Variants in RUVBL2 observed in about 807,000 individuals in gnomAD.
The protein encoded by RUVBL2 is RuvB like AAA ATPase 2.
In RUVBL2, 9 loss-of-function variants were observed where a neutral mutation model predicts 57.9. The ratio of observed to expected loss-of-function variants is 0.16; its 90% CI spans 0.09 to 0.27. RUVBL2 has a LOEUF of 0.27. RUVBL2 is among the 10% of genes least tolerant of loss of function. The pLI, the probability that RUVBL2 is intolerant of heterozygous loss-of-function variation, is 1.00. For synonymous variants in RUVBL2, 278 were observed against 264.6 expected, an observed-to-expected ratio of 1.05 and a Z score of -0.49; for missense variants, 456 against 669.6, an observed-to-expected ratio of 0.68 and a Z score of 3.52.
chr19:49,001,534 GTAGA>G, intron 2 of RUVBL2: 2 of 150,274 alleles, frequency 1.3e-5, no homozygotes, highest in East Asian at 3.9e-4. Context: ...TGAGGACCCA[GTAGA>G]GACTAGCTGC....
chr19:48,993,786 A>C, upstream of RUVBL2: 2 of 1,309,554 alleles, frequency 1.5e-6, no homozygotes, highest in Non-Finnish European at 2.2e-6. Flanking sequence ...CCACGCCCCC[A>C]CAATATTTAC....
intron 4 of RUVBL2, among the ~76,000 whole-genome samples, chr19:49,005,274 A>T (rs1464795597): frequency 6.6e-6 from 1 of 152,254 alleles, no homozygotes; most frequent in Non-Finnish European, 1.5e-5. Context: ...TTCAGTGAAG[A>T]TAAAGCAGTG....
intron 1 of RUVBL2, 142 bp downstream of exon 1, chr19:48,994,065 T>C: frequency 1.1e-5 from 5 of 452,598 alleles, no homozygotes; most frequent in South Asian, 5.4e-5. Flanking sequence ...AGGAGGAAGC[T>C]CGGCCACCCA....
At chr19:49,000,305 A>G (rs1387661747) in intron 2 of RUVBL2, among the ~76,000 whole-genome samples, 2 of 152,284 alleles carry the variant, frequency 1.3e-5, no homozygotes, top group Non-Finnish European at 2.9e-5. Context: ...CTGTAATTCC[A>G]GCACTTTGGA....
intron 1 of RUVBL2, among the ~76,000 whole-genome samples, chr19:48,996,282 G>A (rs1411085634): frequency 6.6e-6 from 1 of 152,052 alleles, no homozygotes. Flanking sequence ...AGAAAATAAT[G>A]TAACAGACAT....
At chr19:48,999,194 G>A (rs1442844513) in intron 1 of RUVBL2, 125 bp from the exon 2 acceptor site, 2 of 1,008,928 alleles carry the variant, frequency 2.0e-6, no homozygotes, top group Non-Finnish European at 3.2e-6. Context: ...GGTGACTGGT[G>A]CCTGTCCCAT....
At chr19:49,003,846 G>A (rs1038088951) in intron 3 of RUVBL2, among the ~76,000 whole-genome samples, 1 of 151,738 alleles carries the variant, frequency 6.6e-6, no homozygotes, top group Non-Finnish European at 1.5e-5. Context: ...TGGGTGCAAT[G>A]GCTCACACTT....
chr19:49,009,112 G>A (rs2039344482), intron 6 of RUVBL2, among the ~76,000 whole-genome samples: 1 of 126,834 alleles, frequency 7.9e-6, no homozygotes, highest in African/African-American at 3.0e-5. Flanking sequence ...AGTGAGCTGA[G>A]ATCACACCAC....
In RUVBL2 at chr19:49,014,623, G is replaced by A. The variant is rs374349605; in HGVS notation, c.1121+20G>A. 83 of 1,613,212 alleles carry A rather than the reference G, an allele frequency of 5.1e-5. No homozygotes were observed. The African/African-American group carries it at 6.9e-4, about 13-fold the overall frequency. On this transcript the variant is annotated intron_variant, in intron 12 of 14. Transcript: ENST00000595090. ...CATCCGGTGCGGGCAGGACCAGGCC[G>A]TGCGCCTGAGACGCAGGGCTGGGGT...
chr19:49,003,329 C>T lies in RUVBL2; in HGVS notation c.118C>T (p.Arg40Trp). 2 of 1,613,886 alleles carry T rather than the reference C, an allele frequency of 1.2e-6. No homozygotes were observed. The highest frequency in any genetic ancestry group is 1.3e-5 in the African/African-American group (1 of 74,988). The change falls in exon 3 of 15, where the codon CGG (arginine) becomes TGG (tryptophan). Residue 40 changes from arginine (R) to tryptophan (W), a missense_variant. Physicochemically the swap from Arg to Trp is moderately radical, Grantham distance 101 (BLOSUM62 -3). This residue lies in a region of RUVBL2 where 233 missense variants were observed against 306.0 expected (regional missense o/e 0.76). Coordinates refer to ENST00000595090, the MANE Select transcript of RUVBL2 (RefSeq NM_006666.3). The part of the protein sequence containing the change: ...GLGLDDALEP[R>W]QASQGMVGQL... ...GGGGCTGGACGATGCCTTGGAGCCT[C>T]GGCAGGTAGAGCAGAGGAGGCTGGG...
At chr19:49,012,705 A>G (rs1285295995) in intron 11 of RUVBL2, among the ~76,000 whole-genome samples, 1 of 152,238 alleles carries the variant, frequency 6.6e-6, no homozygotes, top group Non-Finnish European at 1.5e-5. Context: ...CTTAGCGCTC[A>G]TGCTGTAAAT....
At position 49,010,043 on chromosome 19, in the gene RUVBL2, G is replaced by A. The variant is rs376504319; in HGVS notation, c.640G>A (p.Asp214Asn). 8 of 1,598,320 alleles carry A rather than the reference G, an allele frequency of 5.0e-6. No homozygotes were observed. Among genetic ancestry groups the A allele is most frequent in the Non-Finnish European group, 6.8e-6 (8 of 1,172,240 alleles). ...KLGRSFTRARDYDAMGSQTKF... is the reference protein window; with the variant it reads ...KLGRSFTRARNYDAMGSQTKF... Reference sequence around the variant, plus strand: ...GGGCCGCTCCTTCACACGCGCCCGCGACTACGACGCTATGGGCTCCCAGGT... The same window carrying A: ...GGGCCGCTCCTTCACACGCGCCCGCAACTACGACGCTATGGGCTCCCAGGT... Residue 214 changes from aspartate to asparagine, a missense_variant, in exon 8 of 15, where the codon GAC (aspartate) becomes AAC (asparagine). Transcript: ENST00000595090.
chr19:49,010,980 C>A lies in RUVBL2; in HGVS notation c.788-19C>A, dbSNP rs1438016899. On this transcript the variant is annotated intron_variant, in intron 9 of 14. Transcript: ENST00000595090. ...CGCCTCCTCTCTGGCTTCCCTGATG[C>A]AACCTGTGCCTCCCATAGGTGACAC... is the stretch of plus-strand genomic sequence containing the variant. 9.4e-6 allele frequency: 15 copies of A among 1,603,190 alleles called. No individual in the cohort carries two copies. Among genetic ancestry groups the A allele is most frequent in the Non-Finnish European group, 1.2e-5 (14 of 1,174,490 alleles).
chr19:49,007,385 C>T lies in RUVBL2; in HGVS notation c.462+17C>T, dbSNP rs1394500432. On this transcript the variant is annotated intron_variant, in intron 6 of 14. Transcript: ENST00000595090. ...ACAGGGACGGTGAGTCTGTGTGAGTCTGTACCCTGCTGAGGCCACCTCCAG... is the reference window on the plus strand; with the variant it reads ...ACAGGGACGGTGAGTCTGTGTGAGTTTGTACCCTGCTGAGGCCACCTCCAG... 3 of 1,610,030 alleles carry T rather than the reference C, an allele frequency of 1.9e-6. No individual in the cohort carries two copies.
intron 6 of RUVBL2, among the ~76,000 whole-genome samples, chr19:49,007,916 C>T (rs534698297): frequency 1.4e-4 from 21 of 151,812 alleles, no homozygotes; most frequent in South Asian, 2.1e-4. Flanking sequence ...ACCATGTTGG[C>T]CAGGCTGGTC....
intron 1 of RUVBL2, among the ~76,000 whole-genome samples, chr19:48,995,445 A>G (rs1005214986): frequency 2.0e-5 from 3 of 151,282 alleles, no homozygotes; most frequent in African/African-American, 7.3e-5. Flanking sequence ...ACACAGTGAC[A>G]GGGAAAGCTT....
intron 4 of RUVBL2, among the ~76,000 whole-genome samples, 184 bp downstream of exon 4, chr19:49,004,602 T>A (rs973953270): frequency 7.9e-5 from 12 of 152,124 alleles, no homozygotes; most frequent in African/African-American, 2.7e-4. Context: ...ATTAAGCAGT[T>A]CCAGGAAGTC....
intron 1 of RUVBL2, among the ~76,000 whole-genome samples, chr19:48,997,200 C>G (rs1463213275): frequency 6.6e-6 from 1 of 152,196 alleles, no homozygotes; most frequent in Admixed American, 6.5e-5. Flanking sequence ...ACTAATCTTT[C>G]TCTGTATATG....
At chr19:49,009,631 C>G in intron 6 of RUVBL2, 145 bp from the exon 7 acceptor site, 1 of 707,544 alleles carries the variant, frequency 1.4e-6, no homozygotes, top group South Asian at 1.7e-5. Flanking sequence ...GTATGTCTTC[C>G]CTGGAGAGCT....
Sources: allele counts gnomAD v4.1 joint callset (sites outside exome capture counted in the v4.1 genomes callset), GRCh38; gene constraint gnomAD v4.1.1; regional missense constraint gnomAD v4.1.1; transcripts MANE v1.5; gene names NCBI Gene and HGNC (gene_info 2026-07-23, HGNC 2026-07-21).